NTMT2: variants seen among roughly 807,000 people sequenced by gnomAD.
NTMT2 encodes N-terminal Xaa-Pro-Lys N-methyltransferase 2, also known as X-Pro-Lys N-terminal protein methyltransferase 1B.
NTMT2 carries 21 observed loss-of-function variants against 23.4 expected under a neutral mutation model. The observed-to-expected ratio is 0.90, with a 90% CI of 0.64 to 1.29. The LOEUF is 1.29. NTMT2 is among the 50% of genes most tolerant of loss of function. The pLI is 0.00. For missense variants in NTMT2, 336 were observed against 352.0 expected, an observed-to-expected ratio of 0.95 and a Z score of 0.36; for synonymous variants, 131 against 127.7, an observed-to-expected ratio of 1.03 and a Z score of -0.17.
chr1:170,166,106 A>G, intron 2 of NTMT2, among the ~76,000 whole-genome samples: 1 of 147,990 alleles, frequency 6.8e-6, no homozygotes, highest in East Asian at 2.0e-4. Context: ...AGAGGTAACT[A>G]GGGTGTGCAA....
chr1:170,159,807 A>C (rs1403655006), intron 1 of NTMT2, among the ~76,000 whole-genome samples: 2 of 152,192 alleles, frequency 1.3e-5, no homozygotes, highest in Non-Finnish European at 2.9e-5. Flanking sequence ...TAGCTGCAAA[A>C]CACACTTACG....
chr1:170,167,370 A>T (rs1477960802), intron 3 of NTMT2, 116 bp from the exon 4 acceptor site: 4 of 954,054 alleles, frequency 4.2e-6, no homozygotes, highest in Non-Finnish European at 6.1e-6. Context: ...GAGGCTATTA[A>T]ATCATGAATG....
rs1553216555 is a variant in NTMT2 at position 170,166,138 on chromosome 1, TTC to T, written c.331-362_331-361del. 4.9e-4 allele frequency among the ~76,000 whole-genome samples: 50 copies of T among 102,090 alleles called. 1 individual carries two copies. The South Asian group carries it at 7.2e-3, about 15-fold the overall frequency. 67.0% of individuals were successfully genotyped at this position (102,090 alleles called of 152,430 possible). A position where few individuals can be genotyped will look rare whatever the true frequency, so the allele number is the denominator to read the frequency against. ...GCAATTTTCTTTCTTTTTTTTTTTT[TTC>T]TTTTTTTTTTTTTTTTTGAGACGGA... On this transcript the variant is annotated intron_variant, in intron 2 of 3. Transcript: ENST00000439373.
Position 170,154,643 on chromosome 1 carries a change from A to C in NTMT2, c.155-5875A>C, listed in dbSNP as rs140190750. On this transcript the variant is annotated intron_variant, in intron 1 of 3. Coordinates refer to ENST00000439373, the MANE Select transcript of NTMT2 (RefSeq NM_001136107.2). ...CCAATACCTGTATCCCCATTGTATC[A>C]TGGAAATAAATAACTTGTTTTGATT... 7.2e-3 allele frequency among the ~76,000 whole-genome samples: 1,089 copies of C among 152,266 alleles called. 12 individuals are homozygous for C. The highest frequency in any genetic ancestry group is 0.025 in the African/African-American group (1,049 of 41,544).
rs529688994 is a variant in NTMT2, at chr1:170,162,021, C to T, written c.330+1328C>T. On this transcript the variant is annotated intron_variant, in intron 2 of 3. Coordinates refer to ENST00000439373, the MANE Select transcript of NTMT2 (RefSeq NM_001136107.2). ...AGAAGAATCGCTTGAACCCAGGAGGCGGAGATTGCAGTGAGCTGAGACCGT... is the reference window on the plus strand; with the variant it reads ...AGAAGAATCGCTTGAACCCAGGAGGTGGAGATTGCAGTGAGCTGAGACCGT... Among the ~76,000 whole-genome samples, 19 of 152,268 alleles carry T rather than the reference C, an allele frequency of 1.2e-4. No homozygotes were observed. In the South Asian group the frequency reaches 1.5e-3, roughly 12 times the overall value.
At chr1:170,163,764 A>C (rs1326137130) in intron 2 of NTMT2, among the ~76,000 whole-genome samples, 1 of 152,242 alleles carries the variant, frequency 6.6e-6, no homozygotes, top group Non-Finnish European at 1.5e-5. Context: ...ATCAAAACTA[A>C]ACTGAAATTC....
At chr1:170,156,247 G>A (rs1163341321) in intron 1 of NTMT2, among the ~76,000 whole-genome samples, 1 of 152,108 alleles carries the variant, frequency 6.6e-6, no homozygotes, top group Admixed American at 6.5e-5. Flanking sequence ...GCAGCCATAT[G>A]ACTTAACTCC....
intron 2 of NTMT2, among the ~76,000 whole-genome samples, chr1:170,165,406 C>CA (rs1673360821): frequency 6.6e-6 from 1 of 151,972 alleles, no homozygotes; most frequent in South Asian, 2.1e-4. Context: ...TTTCTGGTAC[C>CA]AAAAAAACCC....
intron 1 of NTMT2, among the ~76,000 whole-genome samples, chr1:170,155,378 C>CT (rs1385449226): frequency 4.0e-5 from 6 of 151,866 alleles, no homozygotes; most frequent in African/African-American, 1.2e-4. Context: ...CTCTTTTTTC[C>CT]TTTCCTTTCT....
intron 1 of NTMT2, among the ~76,000 whole-genome samples, chr1:170,148,237 C>T (rs1015844509): frequency 4.0e-5 from 6 of 150,190 alleles, no homozygotes; most frequent in African/African-American, 1.5e-4. Context: ...AAAGCTCCAC[C>T]TCCCAGGTTC....
chr1:170,150,674 AGC>A (rs970503214), intron 1 of NTMT2, among the ~76,000 whole-genome samples: 6 of 152,242 alleles, frequency 3.9e-5, no homozygotes, highest in Non-Finnish European at 7.3e-5. Flanking sequence ...GAACAAACAT[AGC>A]CTATGAAGAG....
intron 1 of NTMT2, among the ~76,000 whole-genome samples, chr1:170,159,743 T>C (rs1157904404): frequency 2.0e-5 from 3 of 152,226 alleles, no homozygotes; most frequent in African/African-American, 7.2e-5. Context: ...CTGTCTATCA[T>C]TTTATCATGA....
chr1:170,153,828 T>C (rs867400040), intron 1 of NTMT2, among the ~76,000 whole-genome samples: 7 of 152,286 alleles, frequency 4.6e-5, no homozygotes, highest in Admixed American at 2.0e-4. Context: ...TTAAAGTAGA[T>C]TGTGAAACAA....
Position 170,167,782 on chromosome 1 carries a change from G to A in NTMT2, c.*25G>A, listed in dbSNP as rs1408580974. 1 of 1,534,730 alleles carries A rather than the reference G, an allele frequency of 6.5e-7. No homozygotes were observed. The highest frequency in any genetic ancestry group is 2.5e-5 in the East Asian group (1 of 40,816). On this transcript the variant is annotated 3_prime_UTR_variant, in exon 4 of 4. Transcript: ENST00000439373. ...AAAAAGCAGTGGGAATGAACGACTG[G>A]ACTGGGCAGTGGTGCTTTGGGATGG...
intron 1 of NTMT2, among the ~76,000 whole-genome samples, chr1:170,152,429 G>T (rs972898629): frequency 2.0e-5 from 3 of 152,156 alleles, no homozygotes. Flanking sequence ...GTAGGTAGGG[G>T]ATAGATCTCT....
At position 170,160,661 on chromosome 1, in the gene NTMT2, G is replaced by A; in HGVS notation, c.298G>A (p.Ala100Thr). 2.0e-6 allele frequency: 3 copies of A among 1,531,148 alleles called. No homozygotes were observed. In the South Asian group the frequency reaches 3.8e-5, roughly 19 times the overall value. The allele number at this position is 1,531,148 out of a possible 1,614,324, so 94.8% of individuals were successfully genotyped here. Residue 100 changes from alanine (A) to threonine (T), a missense_variant, in exon 2 of 4, where the codon GCC (alanine) becomes ACC (threonine). Coordinates refer to ENST00000439373, the MANE Select transcript of NTMT2 (RefSeq NM_001136107.2). ...TGAACTGTCCAGCCCAGACATCCAG[G>A]CCTCTCAGAAATTTCTTAGGAAATT... Reference protein sequence around the residue: ...FIELSSPDIQASQKFLRKFVG... With the variant: ...FIELSSPDIQTSQKFLRKFVG...
In NTMT2 at chr1:170,167,947, A is replaced by G. The variant is rs1338578286; in HGVS notation, c.*190A>G. On this transcript the variant is annotated 3_prime_UTR_variant, in exon 4 of 4. Coordinates refer to ENST00000439373, the MANE Select transcript of NTMT2 (RefSeq NM_001136107.2). ...TATAATGCACACACTCTGATGAGAC[A>G]TGCACAAATTCTGTGGATTTTCTGA... 1.3e-5 allele frequency among the ~76,000 whole-genome samples: 2 copies of G among 149,988 alleles called. No individual in the cohort carries two copies. The highest frequency in any genetic ancestry group is 3.0e-5 in the Non-Finnish European group (2 of 67,648).
chr1:170,150,886 C>T (rs1673055376), intron 1 of NTMT2, among the ~76,000 whole-genome samples: 1 of 151,998 alleles, frequency 6.6e-6, no homozygotes, highest in Non-Finnish European at 1.5e-5. Flanking sequence ...TCAAAGGGCT[C>T]AACTGGAGAT....
At chr1:170,158,912 A>ATT (rs1673214946) in intron 1 of NTMT2, among the ~76,000 whole-genome samples, 1 of 151,790 alleles carries the variant, frequency 6.6e-6, no homozygotes, top group Non-Finnish European at 1.5e-5. Context: ...CTCTTCAAAG[A>ATT]TTTATGAGTT....
Sources: gnomAD v4.1 joint callset for allele counts (sites outside exome capture counted in the v4.1 genomes callset) on GRCh38, gnomAD v4.1.1 for gene constraint, MANE v1.5 for transcripts, NCBI Gene and HGNC (gene_info 2026-07-23, HGNC 2026-07-21) for gene names.